The following GSDME variants were observed in gnomAD, a reference collection of about 807,000 sequenced individuals.
The protein encoded by GSDME is gasdermin-E.
In GSDME, 44 loss-of-function variants were observed where a neutral mutation model predicts 47.5. The observed-to-expected ratio is 0.93, with a 90% confidence interval of 0.73 to 1.19. The LOEUF (loss-of-function observed/expected upper bound fraction) is 1.19, where lower values mean the gene tolerates loss of function less well. Among genes scored for constraint, GSDME ranks in the 50% most tolerant of loss-of-function variants. The probability of loss-of-function intolerance (pLI) is 0.00; values close to 1 mark genes in which losing one functional copy is unlikely to be tolerated. For synonymous variants in GSDME, 258 were observed against 252.8 expected, an observed-to-expected ratio of 1.02 and a Z score of -0.20; for missense variants, 663 against 604.2, an observed-to-expected ratio of 1.10 and a Z score of -1.02.
chr7:24,728,699 C>T lies in GSDME; in HGVS notation c.405-9481G>A, dbSNP rs1349400929. Among the ~76,000 whole-genome samples, 1 of 152,136 alleles carries T rather than the reference C, an allele frequency of 6.6e-6. No individual in the cohort carries two copies. Among genetic ancestry groups the T allele is most frequent in the African/African-American group, 2.4e-5 (1 of 41,430 alleles). Reference sequence around the variant, plus strand: ...GGATCCTCTTGGAAACGAAAGCAGCCGCCCACTGTCTCCCCCGCAGGTACT... The same window carrying T: ...GGATCCTCTTGGAAACGAAAGCAGCTGCCCACTGTCTCCCCCGCAGGTACT... On this transcript the variant is annotated intron_variant, in intron 3 of 9. Transcript: ENST00000645220. The surrounding 1 kb of genome is among the most constrained non-coding windows in gnomAD (Gnocchi z 7.2).
At chr7:24,790,208 T>C in the GSDME span, among the ~76,000 whole-genome samples, 4 of 152,238 alleles carry the variant, frequency 2.6e-5, no homozygotes, top group Non-Finnish European at 5.9e-5. The surrounding 1 kb of genome is among the most constrained non-coding windows in gnomAD (Gnocchi z 4.1). Context: ...TCTGAGTTTC[T>C]TGCTGGGCCA....
At chr7:24,777,300 GC>G in the GSDME span, among the ~76,000 whole-genome samples, 3 of 152,060 alleles carry the variant, frequency 2.0e-5, no homozygotes, top group African/African-American at 4.8e-5. Context: ...TCATAATCTG[GC>G]CCCGTATATT....
chr7:24,778,554 C>T, the GSDME span, among the ~76,000 whole-genome samples: 2 of 152,124 alleles, frequency 1.3e-5, no homozygotes, highest in African/African-American at 2.4e-5. This position sits in a 1 kb window ranked among gnomAD's most constrained non-coding sequence, Gnocchi z 5.6. Context: ...TGGGAAAGTC[C>T]GGGACAAATT....
intron 3 of GSDME, among the ~76,000 whole-genome samples, chr7:24,740,463 T>C (rs1790453280): frequency 6.6e-6 from 1 of 152,128 alleles, no homozygotes; most frequent in African/African-American, 2.4e-5. Flanking sequence ...TTGTACATTT[T>C]TAAAATAACT....
intron 3 of GSDME, among the ~76,000 whole-genome samples, chr7:24,719,654 G>A (rs551142432): frequency 1.4e-4 from 21 of 152,196 alleles, no homozygotes; most frequent in Non-Finnish European, 2.6e-4. Flanking sequence ...TTAGCCAGGC[G>A]TGGTGGCACA....
intron 7 of GSDME, chr7:24,707,147 C>G: frequency 5.5e-6 from 2 of 365,792 alleles, no homozygotes; most frequent in Non-Finnish European, 5.4e-6. Flanking sequence ...GATACCCAGG[C>G]TCTTTCGGCA....
chr7:24,751,178 T>A (rs187165368), intron 1 of GSDME, among the ~76,000 whole-genome samples: 161 of 152,298 alleles, frequency 1.1e-3, no homozygotes, highest in Non-Finnish European at 1.8e-3. Flanking sequence ...TTTAAAATAC[T>A]GTACTCCAAG....
rs1790171481 is a variant in GSDME at position 24,732,305 on chromosome 7, A to C, written c.404+12257T>G. Among the ~76,000 whole-genome samples, 1 of 152,228 alleles carries C rather than the reference A, an allele frequency of 6.6e-6. No homozygotes were observed. Among genetic ancestry groups the C allele is most frequent in the Admixed American group, 6.5e-5 (1 of 15,284 alleles). On this transcript the variant is annotated intron_variant, in intron 3 of 9. Transcript: ENST00000645220. This position sits in a 1 kb window ranked among gnomAD's most constrained non-coding sequence, Gnocchi z 4.8. ...CCCAGTTCAAACTTTGTTTTTTCCAAGAAAGACATGGCTCCTCAAATCTTT... is the reference window on the plus strand; with the variant it reads ...CCCAGTTCAAACTTTGTTTTTTCCACGAAAGACATGGCTCCTCAAATCTTT...
intron 2 of GSDME, among the ~76,000 whole-genome samples, chr7:24,748,186 A>G (rs1227087204): frequency 7.0e-6 from 1 of 143,308 alleles, no homozygotes; most frequent in Non-Finnish European, 1.5e-5. Context: ...TTGAGATGGA[A>G]TCTCACTCTA....
chr7:24,766,358 G>A, the GSDME span, among the ~76,000 whole-genome samples: 2 of 151,688 alleles, frequency 1.3e-5, no homozygotes, highest in Admixed American at 1.3e-4. This position sits in a 1 kb window ranked among gnomAD's most constrained non-coding sequence, Gnocchi z 4.2. Context: ...AGATGTGCAG[G>A]TTTGTTACAC....
Position 24,749,754 on chromosome 7 carries a change from C to A in GSDME, c.21G>T (p.Arg7Ser). The A allele has an allele frequency of 6.2e-7, 1 of 1,614,016 alleles. No homozygotes were observed. The highest frequency in any genetic ancestry group is 1.1e-5 in the South Asian group (1 of 91,066). Reference sequence around the variant, plus strand: ...CAGCATCAACTTCTCTAAGAAAATTCCTGGTTGCTTTGGCAAACATTTTGA... The same window carrying A: ...CAGCATCAACTTCTCTAAGAAAATTACTGGTTGCTTTGGCAAACATTTTGA... MFAKAT[R>S]NFLREVDADG... is the part of the protein sequence containing the mutation. The change falls in exon 2 of 10, where the codon AGG (arginine) becomes AGT (serine). Residue 7 changes from arginine to serine, a missense_variant. By Grantham distance (110) the Arg-to-Ser change is moderately radical. Coordinates refer to ENST00000645220, the MANE Select transcript of GSDME (RefSeq NM_001127453.2).
intron 3 of GSDME, among the ~76,000 whole-genome samples, chr7:24,730,911 C>A (rs1790124094): frequency 6.6e-6 from 1 of 152,150 alleles, no homozygotes; most frequent in Non-Finnish European, 1.5e-5. Flanking sequence ...ATTGGAGGGT[C>A]CCCAGCACAC....
intron 3 of GSDME, among the ~76,000 whole-genome samples, chr7:24,720,636 C>G (rs1019477773): frequency 3.3e-5 from 5 of 152,218 alleles, no homozygotes; most frequent in Non-Finnish European, 5.9e-5. Flanking sequence ...TGAAGTTGGG[C>G]CGGGCACAGT....
rs556577452 is a variant in GSDME, at chr7:24,735,791, A to G, written c.404+8771T>C. ...AATAAATAAATAAATAAATAAATAA[A>G]TAAATAAATAAATAAAACTACAAAA... On this transcript the variant is annotated intron_variant, in intron 3 of 9. Transcript: ENST00000645220. This position sits in a 1 kb window ranked among gnomAD's most constrained non-coding sequence, Gnocchi z 4.4. Among the ~76,000 whole-genome samples, 560 of 151,280 alleles carry G rather than the reference A, an allele frequency of 3.7e-3. 2 individuals are homozygous for G. The highest frequency in any genetic ancestry group is 5.4e-3 in the Non-Finnish European group (369 of 67,722).
In GSDME at chr7:24,716,980, C is replaced by G. The variant is rs1443116384; in HGVS notation, c.697+274G>C. The G allele has an allele frequency of 2.1e-6, 1 of 471,540 alleles. No individual in the cohort carries two copies. Among genetic ancestry groups the G allele is most frequent in the Non-Finnish European group, 3.9e-6 (1 of 254,296 alleles). The allele number at this position is 471,540 out of a possible 1,614,324, so 29.2% of individuals were successfully genotyped here. ...AGCCCAGGTTGATGCCCAGAGGACACAGCCCAGCCCTCTACTGTGCTGGTG... is the reference window on the plus strand; with the variant it reads ...AGCCCAGGTTGATGCCCAGAGGACAGAGCCCAGCCCTCTACTGTGCTGGTG... On this transcript the variant is annotated intron_variant, in intron 5 of 9. Coordinates refer to ENST00000645220, the MANE Select transcript of GSDME (RefSeq NM_001127453.2). The surrounding 1 kb of genome is among the most constrained non-coding windows in gnomAD (Gnocchi z 4.5).
the GSDME span, among the ~76,000 whole-genome samples, chr7:24,770,578 T>C: frequency 6.6e-6 from 1 of 152,098 alleles, no homozygotes; most frequent in Non-Finnish European, 1.5e-5. This position sits in a 1 kb window ranked among gnomAD's most constrained non-coding sequence, Gnocchi z 4.6. Flanking sequence ...GGAGTTGATT[T>C]CAGAATGGGA....
intron 9 of GSDME, 58 bp downstream of exon 9, chr7:24,702,702 C>A: frequency 1.4e-6 from 2 of 1,423,806 alleles, no homozygotes; most frequent in Non-Finnish European, 2.0e-6. Context: ...GGATGTCTAC[C>A]CCCTCATCAT....
rs772973278 is a variant in GSDME, at chr7:24,742,792, A to C, written c.404+1770T>G. On this transcript the variant is annotated intron_variant, in intron 3 of 9. Transcript: ENST00000645220. The surrounding 1 kb of genome is among the most constrained non-coding windows in gnomAD (Gnocchi z 4.4). ...TTCCCCAGTGCCACCAGATTTAGCA[A>C]ATGAAAATGTAAGACACCCAGTTAA... Among the ~76,000 whole-genome samples the C allele has an allele frequency of 6.6e-6, 1 of 152,212 alleles. No homozygotes were observed. Among genetic ancestry groups the C allele is most frequent in the Non-Finnish European group, 1.5e-5 (1 of 68,040 alleles).
chr7:24,744,829 C>A lies in GSDME; in HGVS notation c.212-75G>T. 2 of 1,512,880 alleles carry A rather than the reference C, an allele frequency of 1.3e-6. No homozygotes were observed. Among genetic ancestry groups the A allele is most frequent in the Non-Finnish European group, 9.1e-7 (1 of 1,102,664 alleles). The allele number at this position is 1,512,880 out of a possible 1,614,324, so 93.7% of individuals were successfully genotyped here. A position where few individuals can be genotyped will look rare whatever the true frequency, so the allele number is the denominator to read the frequency against. On this transcript the variant is annotated intron_variant, in intron 2 of 9. Transcript: ENST00000645220. The surrounding 1 kb of genome is among the most constrained non-coding windows in gnomAD (Gnocchi z 4.5). ...AGATGTCTTGGGTCATTTAGCTTTC[C>A]AAGCCTGTGCAGAGCCCCGGAAAGC... is the stretch of plus-strand genomic sequence containing the variant.
Sources: gnomAD v4.1 joint callset for allele counts (sites outside exome capture counted in the v4.1 genomes callset) on GRCh38, gnomAD v4.1.1 for gene constraint, Gnocchi (gnomAD v3.1) non-coding constraint, MANE v1.5 for transcripts, NCBI Gene and HGNC (gene_info 2026-07-23, HGNC 2026-07-21) for gene names.